The following UNC13C variants were observed in gnomAD, a reference collection of about 807,000 sequenced individuals.
UNC13C encodes the protein unc-13 homolog C, also known as protein unc-13 homolog C.
A neutral mutation model predicts 245.4 loss-of-function variants in UNC13C; 174 were observed. That is an observed-to-expected ratio of 0.71 (90% CI 0.63 to 0.80). The LOEUF is 0.80. UNC13C is among the 30% of genes least tolerant of loss of function. The pLI is 0.00. For synonymous variants in UNC13C, 992 were observed against 895.1 expected, an observed-to-expected ratio of 1.11 and a Z score of -1.93; for missense variants, 2,829 against 2,602.9, an observed-to-expected ratio of 1.09 and a Z score of -1.89.
intron 2 of UNC13C, among the ~76,000 whole-genome samples, chr15:54,081,985 A>G (rs575688637): frequency 6.6e-6 from 1 of 152,326 alleles, no homozygotes; most frequent in South Asian, 2.1e-4. Flanking sequence ...TCTGGTGGTT[A>G]TGAATTCCCT....
rs77530208 is a variant in UNC13C at position 54,285,202 on chromosome 15, G to A, written c.3819-8693G>A. ...TATTGACTTCTGAAATGGATTTACA[G>A]TGCCTTAATACTACAAAGAAAAACT... On this transcript the variant is annotated intron_variant, in intron 10 of 32. Transcript: ENST00000260323. 3.4e-4 allele frequency among the ~76,000 whole-genome samples: 52 copies of A among 151,374 alleles called. No individual in the cohort carries two copies. In the East Asian group the frequency reaches 9.7e-3, roughly 28 times the overall value.
chr15:54,078,775 C>T (rs1898774606), intron 2 of UNC13C, among the ~76,000 whole-genome samples: 1 of 151,930 alleles, frequency 6.6e-6, no homozygotes, highest in Non-Finnish European at 1.5e-5. Flanking sequence ...CTGTAGGCTG[C>T]TTCCTCTGTT....
chr15:54,550,287 T>G (rs1896680520), intron 28 of UNC13C, among the ~76,000 whole-genome samples: 1 of 152,152 alleles, frequency 6.6e-6, no homozygotes, highest in African/African-American at 2.4e-5. Flanking sequence ...CTTCCTACTA[T>G]GTGACATGGG....
intron 4 of UNC13C, among the ~76,000 whole-genome samples, chr15:54,228,305 C>T (rs531774282): frequency 6.6e-6 from 1 of 152,252 alleles, no homozygotes; most frequent in African/African-American, 2.4e-5. Flanking sequence ...AAAGCCAAGG[C>T]ATGGAATCAG....
chr15:54,453,549 A>G (rs1254729263), intron 19 of UNC13C, among the ~76,000 whole-genome samples: 1 of 152,204 alleles, frequency 6.6e-6, no homozygotes, highest in African/African-American at 2.4e-5. Flanking sequence ...TTTTTTAAGT[A>G]CTGTAAATAA....
At chr15:54,047,977 G>T (rs1184680856) in intron 2 of UNC13C, among the ~76,000 whole-genome samples, 1 of 152,000 alleles carries the variant, frequency 6.6e-6, no homozygotes, top group African/African-American at 2.4e-5. Flanking sequence ...GCTAATTATT[G>T]GTTTAGAAAA....
intron 26 of UNC13C, among the ~76,000 whole-genome samples, chr15:54,544,255 TA>T (rs369672926): frequency 1.3e-5 from 2 of 152,024 alleles, no homozygotes; most frequent in African/African-American, 4.8e-5. Context: ...CCCTTGATGC[TA>T]AAAAAACTCT....
Position 54,553,176 on chromosome 15 carries a change from A to G in UNC13C, c.5878-2256A>G, listed in dbSNP as rs1415574964. Among the ~76,000 whole-genome samples the G allele has an allele frequency of 5.3e-5, 6 of 114,004 alleles. No individual in the cohort carries two copies. In the Admixed American group the frequency reaches 5.8e-4, roughly 11 times the overall value. 74.8% of individuals were successfully genotyped at this position (114,004 alleles called of 152,430 possible). On this transcript the variant is annotated intron_variant, in intron 28 of 32. Coordinates refer to ENST00000260323, the MANE Select transcript of UNC13C (RefSeq NM_001080534.3). Reference sequence around the variant, plus strand: ...ATATATATTATATACTGTATTCTATATTACAATATATATTATATACTGTAT... The same window carrying G: ...ATATATATTATATACTGTATTCTATGTTACAATATATATTATATACTGTAT...
At chr15:54,550,351 A>G (rs144242543) in intron 28 of UNC13C, among the ~76,000 whole-genome samples, 1,872 of 152,208 alleles carry the variant, frequency 0.012, 14 homozygotes, top group Non-Finnish European at 0.019. Flanking sequence ...AAATGCAAAA[A>G]AAGAATAATA....
intron 2 of UNC13C, among the ~76,000 whole-genome samples, chr15:54,017,313 T>C (rs956441646): frequency 6.6e-6 from 1 of 152,282 alleles, no homozygotes; most frequent in African/African-American, 2.4e-5. Flanking sequence ...GTAATGCATA[T>C]GGTAATAATA....
intron 2 of UNC13C, among the ~76,000 whole-genome samples, chr15:54,055,926 G>T (rs1356411657): frequency 6.6e-6 from 1 of 152,162 alleles, no homozygotes; most frequent in Non-Finnish European, 1.5e-5. Context: ...GACTGCAAGA[G>T]AGTTGTGGGT....
At chr15:54,602,916 G>A (rs895973212) in intron 30 of UNC13C, among the ~76,000 whole-genome samples, 4 of 9,808 alleles carry the variant, frequency 4.1e-4, no homozygotes, top group Non-Finnish European at 6.3e-4. Context: ...CTGTGTTCCT[G>A]CAAGTTGGCC....
At chr15:54,390,169 T>C (rs1286114707) in intron 17 of UNC13C, among the ~76,000 whole-genome samples, 2 of 152,248 alleles carry the variant, frequency 1.3e-5, no homozygotes, top group African/African-American at 4.8e-5. Context: ...TTAAAAGTAT[T>C]GTATAAGTTC....
chr15:53,864,897 C>A, the UNC13C span, among the ~76,000 whole-genome samples: 1 of 152,114 alleles, frequency 6.6e-6, no homozygotes, highest in Non-Finnish European at 1.5e-5. Flanking sequence ...ATATTCTAGA[C>A]AAATCTGAGT....
chr15:54,385,354 T>C (rs972660341), intron 17 of UNC13C, among the ~76,000 whole-genome samples: 1 of 152,150 alleles, frequency 6.6e-6, no homozygotes, highest in African/African-American at 2.4e-5. Context: ...AATAGAATAC[T>C]ACTTGACCAT....
chr15:54,249,167 G>A (rs1483151560), intron 7 of UNC13C, among the ~76,000 whole-genome samples: 1 of 151,988 alleles, frequency 6.6e-6, no homozygotes, highest in Non-Finnish European at 1.5e-5. Context: ...GATATGAGAA[G>A]CATAGAAAAG....
At chr15:53,890,787 C>G in the UNC13C span, among the ~76,000 whole-genome samples, 1 of 151,858 alleles carries the variant, frequency 6.6e-6, no homozygotes. Context: ...AGTGGCCTAT[C>G]TATTTTTTGA....
intron 13 of UNC13C, among the ~76,000 whole-genome samples, chr15:54,305,031 A>G (rs933607865): frequency 6.6e-6 from 1 of 152,112 alleles, no homozygotes; most frequent in African/African-American, 2.4e-5. Flanking sequence ...ATAGAGGTGC[A>G]CTTCAATTCT....
chr15:54,069,074 T>G (rs1431531499), intron 2 of UNC13C, among the ~76,000 whole-genome samples: 2 of 152,178 alleles, frequency 1.3e-5, no homozygotes, highest in Non-Finnish European at 2.9e-5. Context: ...GCTTACACTT[T>G]AAGCTATCCT....
Sources: allele counts gnomAD v4.1 joint callset (sites outside exome capture counted in the v4.1 genomes callset), GRCh38; gene constraint gnomAD v4.1.1; transcripts MANE v1.5; gene names NCBI Gene and HGNC (gene_info 2026-07-23, HGNC 2026-07-21).